The following MGAT4C variants were observed in gnomAD, a reference collection of about 807,000 sequenced individuals.
MGAT4C encodes alpha-1,3-mannosyl-glycoprotein 4-beta-N-acetylglucosaminyltransferase C.
A neutral mutation model predicts 40.1 loss-of-function variants in MGAT4C; 19 were observed. The observed-to-expected ratio is 0.47, with a 90% CI of 0.33 to 0.70. The LOEUF is 0.70. Ranked by LOEUF, MGAT4C falls within the 30% of genes least tolerant of loss-of-function variation. MGAT4C has a pLI of 0.02. For synonymous variants in MGAT4C, 181 were observed against 187.1 expected (o/e 0.97, Z 0.27); for missense variants, 491 against 563.2 (o/e 0.87, Z 1.30).
chr12:86,779,229 A>G (rs902313889), intron 1 of MGAT4C, among the ~76,000 whole-genome samples: 7 of 152,118 alleles, frequency 4.6e-5, no homozygotes, highest in African/African-American at 1.7e-4. Context: ...CAGAGTAAAA[A>G]ATTATAAACA....
chr12:86,522,247 T>C (rs1414576913), intron 2 of MGAT4C, among the ~76,000 whole-genome samples: 1 of 152,078 alleles, frequency 6.6e-6, no homozygotes, highest in Non-Finnish European at 1.5e-5. Flanking sequence ...GCTTATCATA[T>C]ATGGCTCTTA....
At position 86,446,658 on chromosome 12, in the gene MGAT4C, CATATATATATATATATATAT is replaced by C. The variant is rs34157468; in HGVS notation, c.-228-11413_-228-11394del. Among the ~76,000 whole-genome samples, 30 of 35,324 alleles carry C rather than the reference CATATATATATATATATATAT, an allele frequency of 8.5e-4. 1 individual carries two copies. The highest frequency in any genetic ancestry group is 7.9e-3 in the East Asian group (11 of 1,394). The allele number at this position is 35,324 out of a possible 152,430, so 23.2% of individuals were successfully genotyped here. A position where few individuals can be genotyped will look rare whatever the true frequency, so the allele number is the denominator to read the frequency against. On this transcript the variant is annotated intron_variant, in intron 2 of 7. Transcript: ENST00000548651. ...GGACTTAAAATTACATCATGTAACT[CATATATATATATATATATAT>C]ATATATATATATATATATATATATA...
At chr12:86,132,081 A>C (rs968490645) in intron 1 of MGAT4C, among the ~76,000 whole-genome samples, 1 of 152,166 alleles carries the variant, frequency 6.6e-6, no homozygotes. Context: ...AAGCTTTTTT[A>C]GGATCTACCA....
At chr12:86,189,196 C>T (rs551445990) in intron 1 of MGAT4C, among the ~76,000 whole-genome samples, 19 of 152,026 alleles carry the variant, frequency 1.2e-4, no homozygotes, top group Admixed American at 3.3e-4. Context: ...CTTCCTGCAT[C>T]GCTTTTCAAC....
At chr12:86,681,700 A>G (rs1180830686) in intron 2 of MGAT4C, among the ~76,000 whole-genome samples, 1 of 152,046 alleles carries the variant, frequency 6.6e-6, no homozygotes, top group South Asian at 2.1e-4. Context: ...TATTGGAGTT[A>G]TATTACAGTT....
At chr12:85,985,168 C>G (rs188686766) in intron 3 of MGAT4C, among the ~76,000 whole-genome samples, 1 of 152,292 alleles carries the variant, frequency 6.6e-6, no homozygotes, top group African/African-American at 2.4e-5. Context: ...GATTAAATAA[C>G]TCTGGTCCTG....
intron 2 of MGAT4C, among the ~76,000 whole-genome samples, chr12:86,661,923 G>A (rs533003863): frequency 1.1e-3 from 173 of 152,128 alleles, no homozygotes; most frequent in Admixed American, 3.4e-3. Flanking sequence ...GGCAACAGAG[G>A]AAGACTCCAT....
intron 2 of MGAT4C, among the ~76,000 whole-genome samples, chr12:86,668,326 G>A (rs768987296): frequency 2.4e-4 from 36 of 152,248 alleles, no homozygotes; most frequent in Non-Finnish European, 4.6e-4. Context: ...CTGTGATGGC[G>A]TCTGGCAGAT....
chr12:86,664,587 AT>A (rs1318936927), intron 2 of MGAT4C, among the ~76,000 whole-genome samples: 3 of 151,888 alleles, frequency 2.0e-5, no homozygotes, highest in Non-Finnish European at 2.9e-5. Context: ...TGCTATATTG[AT>A]TTTTTTTCCA....
chr12:86,545,712 GAA>G (rs1959189597), intron 2 of MGAT4C, among the ~76,000 whole-genome samples: 2 of 151,314 alleles, frequency 1.3e-5, no homozygotes, highest in South Asian at 4.2e-4. Context: ...ATAAATAGTG[GAA>G]AGAGAAGACA....
At chr12:86,791,956 G>C (rs78055515) in intron 1 of MGAT4C, among the ~76,000 whole-genome samples, 1 of 152,126 alleles carries the variant, frequency 6.6e-6, no homozygotes, top group African/African-American at 2.4e-5. Flanking sequence ...GAGGGGAGAC[G>C]GGGCAAAATT....
At chr12:86,562,440 CT>C (rs1056566217) in intron 2 of MGAT4C, among the ~76,000 whole-genome samples, 3 of 151,860 alleles carry the variant, frequency 2.0e-5, no homozygotes, top group African/African-American at 7.3e-5. Flanking sequence ...TCTGAGGAGG[CT>C]TTTTTTGCCA....
chr12:86,138,353 A>C (rs1395913812), intron 1 of MGAT4C, among the ~76,000 whole-genome samples: 1 of 151,092 alleles, frequency 6.6e-6, no homozygotes, highest in Non-Finnish European at 1.5e-5. Context: ...TCAGGGTTAG[A>C]CAATATACCT....
At chr12:86,543,490 G>A (rs1457490104) in intron 2 of MGAT4C, among the ~76,000 whole-genome samples, 2 of 151,694 alleles carry the variant, frequency 1.3e-5, no homozygotes, top group East Asian at 1.9e-4. Context: ...CTATCTTTGA[G>A]GGTTTTTTTA....
At chr12:86,247,917 G>T (rs996274789) in intron 1 of MGAT4C, among the ~76,000 whole-genome samples, 1 of 152,152 alleles carries the variant, frequency 6.6e-6, no homozygotes, top group Non-Finnish European at 1.5e-5. Flanking sequence ...GTTCAGATTT[G>T]TATTTCCTGC....
chr12:86,519,550 T>C (rs1490822657), intron 2 of MGAT4C, among the ~76,000 whole-genome samples: 1 of 152,164 alleles, frequency 6.6e-6, no homozygotes, highest in Admixed American at 6.5e-5. Context: ...TTTCTCTACA[T>C]CCTTCCCAGC....
In MGAT4C at chr12:85,956,913, C is replaced by T. The variant is rs1645232110; in HGVS notation, c.*22376G>A. ...TTGAATTGACACAAGCACAGAAATA[C>T]ACCAATAAGCACATACCAAAGTCAA... On this transcript the variant is annotated 3_prime_UTR_variant, in exon 5 of 5. Coordinates refer to ENST00000611864, the MANE Select transcript of MGAT4C (RefSeq NM_001351288.2). 6.6e-6 allele frequency: 1 copy of T among 152,020 alleles called. No homozygotes were observed. Among genetic ancestry groups the T allele is most frequent in the African/African-American group, 2.4e-5 (1 of 41,410 alleles). 9.4% of individuals were successfully genotyped at this position (152,020 alleles called of 1,614,324 possible).
At chr12:86,206,963 T>C (rs1593234818) in intron 1 of MGAT4C, among the ~76,000 whole-genome samples, 2 of 152,258 alleles carry the variant, frequency 1.3e-5, no homozygotes, top group East Asian at 3.9e-4. Context: ...TCCATGGTGC[T>C]GAATGTAAAG....
At chr12:86,446,055 T>G (rs1165129957) in intron 2 of MGAT4C, among the ~76,000 whole-genome samples, 1 of 152,112 alleles carries the variant, frequency 6.6e-6, no homozygotes, top group Non-Finnish European at 1.5e-5. Flanking sequence ...CAGTAAAACT[T>G]TATATGTATG....
Sources: gnomAD v4.1 joint callset for allele counts (sites outside exome capture counted in the v4.1 genomes callset) on GRCh38, gnomAD v4.1.1 for gene constraint, MANE v1.5 for transcripts, NCBI Gene and HGNC (gene_info 2026-07-23, HGNC 2026-07-21) for gene names.